Variants in GCAT observed in about 807,000 individuals in gnomAD.
GCAT encodes glycine C-acetyltransferase, also known as 2-amino-3-ketobutyrate coenzyme A ligase, mitochondrial.
In GCAT, 26 loss-of-function variants were observed where a neutral mutation model predicts 39.7. The ratio of observed to expected loss-of-function variants is 0.65; its 90% CI spans 0.48 to 0.91. GCAT has a LOEUF of 0.91. GCAT is among the 40% of genes least tolerant of loss of function. The pLI is 0.00. For synonymous variants in GCAT, 218 were observed against 237.2 expected (o/e 0.92, Z 0.74); for missense variants, 550 against 576.2 (o/e 0.95, Z 0.47).
At chr22:37,815,859 CG>C in intron 7 of GCAT, 25 bp downstream of exon 7, 1 of 1,611,870 alleles carries the variant, frequency 6.2e-7, no homozygotes, top group Non-Finnish European at 8.5e-7. Context: ...AGGGCAGGCT[CG>C]GGGGCGGAGA....
At position 37,815,495 on chromosome 22, in the gene GCAT, C is replaced by T. The variant is rs372168493; in HGVS notation, c.809C>T (p.Ala270Val). ...ACCCTGGGGAAGGCCCTGGGTGGAG[C>T]ATCAGGTACCTGCAAGGTTGTGTCC... is the stretch of plus-strand genomic sequence containing the variant. ...NSTLGKALGG[A>V]SGGYTTGPGP... The change falls in exon 6 of 9, where the codon GCA becomes GTA. Residue 270 changes from alanine (A) to valine (V), a missense_variant. Transcript: ENST00000248924. The T allele has an allele frequency of 2.5e-6, 4 of 1,604,176 alleles. No homozygotes were observed. In the African/African-American group the frequency reaches 4.0e-5, roughly 16 times the overall value.
chr22:37,813,595 C>A lies in GCAT; in HGVS notation c.562C>A (p.Leu188Met). Residue 188 changes from leucine to methionine, a missense_variant, in exon 4 of 9, where the codon CTG (leucine) becomes ATG (methionine). This residue lies in a region of GCAT where 378 missense variants were observed against 390.4 expected (regional missense o/e 0.97). Coordinates refer to ENST00000248924, the MANE Select transcript of GCAT (RefSeq NM_014291.4). ...GGACATGGCCGACCTAGAAGCCAAG[C>A]TGCAGGAGGCCCAGGTGGGGCGACG... is the stretch of plus-strand genomic sequence containing the variant. ...HLDMADLEAKLQEAQKHRLRL... is the reference protein window; with the variant it reads ...HLDMADLEAKMQEAQKHRLRL... 2.5e-6 allele frequency: 4 copies of A among 1,609,018 alleles called. No homozygotes were observed. Among genetic ancestry groups the A allele is most frequent in the Non-Finnish European group, 3.4e-6 (4 of 1,177,802 alleles).
chr22:37,816,527 C>T (rs538510291), intron 8 of GCAT, 40 bp from the exon 9 acceptor site: 22 of 1,610,786 alleles, frequency 1.4e-5, no homozygotes, highest in Non-Finnish European at 1.7e-5. Flanking sequence ...TGCCCCCAAG[C>T]CTGTTGGTTC....
intron 1 of GCAT, among the ~76,000 whole-genome samples, chr22:37,808,877 G>A (rs1361137378): frequency 6.6e-6 from 1 of 152,178 alleles, no homozygotes; most frequent in Non-Finnish European, 1.5e-5. Flanking sequence ...AGTGGAGACT[G>A]GGTTTCACCA....
Position 37,816,321 on chromosome 22 carries a change from G to A in GCAT, c.1108G>A (p.Gly370Ser), listed in dbSNP as rs1258805779. The part of the protein sequence containing the change: ...SRMADDMLKR[G>S]IFVIGFSYPV... ...CATGGCGGATGACATGCTGAAGAGA[G>A]GTAAGGGTGCTGAGACAAGGGAACT... Residue 370 changes from glycine to serine, a missense_variant and splice_region_variant, in exon 8 of 9, where the codon GGC becomes AGC. Transcript: ENST00000248924. The A allele has an allele frequency of 6.2e-7, 1 of 1,610,304 alleles. No individual in the cohort carries two copies. Among genetic ancestry groups the A allele is most frequent in the Non-Finnish European group, 8.5e-7 (1 of 1,179,924 alleles).
chr22:37,810,306 G>C, intron 2 of GCAT, 149 bp downstream of exon 2: 1 of 676,368 alleles, frequency 1.5e-6, no homozygotes, highest in Non-Finnish European at 2.6e-6. Flanking sequence ...CTGAGTGCAG[G>C]CCTCTGTTTT....
Position 37,815,841 on chromosome 22 carries a change from C to T in GCAT, c.986+7C>T, listed in dbSNP as rs1478806565. On this transcript the variant is annotated splice_region_variant and intron_variant, in intron 7 of 8. Coordinates refer to ENST00000248924, the MANE Select transcript of GCAT (RefSeq NM_014291.4). ...TGGCTGCCAAGACCCAGAGGTGCGA[C>T]TCCCAGCAGGGCAGGCTCGGGGGCG... 2 of 1,613,528 alleles carry T rather than the reference C, an allele frequency of 1.2e-6. No homozygotes were observed. The highest frequency in any genetic ancestry group is 2.7e-5 in the African/African-American group (2 of 74,922).
chr22:37,815,602 G>A lies in GCAT; in HGVS notation c.815-61G>A, dbSNP rs1922080927. The A allele has an allele frequency of 8.7e-6, 13 of 1,490,124 alleles. No homozygotes were observed. In the South Asian group the frequency reaches 1.2e-4, roughly 13 times the overall value. The allele number at this position is 1,490,124 out of a possible 1,614,324, so 92.3% of individuals were successfully genotyped here. ...GCAGCATGGACTGTACTTTCAGGAG[G>A]GGGTTGGGTAGGCTCTGGCCCCTGA... is the stretch of plus-strand genomic sequence containing the variant. On this transcript the variant is annotated intron_variant, in intron 6 of 8. Transcript: ENST00000248924.
rs544557693 is a variant in GCAT at position 37,812,013 on chromosome 22, T to C, written c.328-874T>C. Among the ~76,000 whole-genome samples the C allele has an allele frequency of 4.6e-5, 7 of 152,122 alleles. No homozygotes were observed. The South Asian group carries it at 1.5e-3, about 32-fold the overall frequency. On this transcript the variant is annotated intron_variant, in intron 2 of 8. Transcript: ENST00000248924. ...GACTTGCCCAGAGGCACACAGCCTG[T>C]TGTGGGATTTGAACCCTGGCTCAAG...
In GCAT at chr22:37,816,882, T is replaced by G; in HGVS notation, c.*164T>G. 1 of 660,206 alleles carries G rather than the reference T, an allele frequency of 1.5e-6. No homozygotes were observed. Among genetic ancestry groups the G allele is most frequent in the Non-Finnish European group, 2.6e-6 (1 of 389,400 alleles). The allele number at this position is 660,206 out of a possible 1,614,324, so 40.9% of individuals were successfully genotyped here. A position where few individuals can be genotyped will look rare whatever the true frequency, so the allele number is the denominator to read the frequency against. On this transcript the variant is annotated 3_prime_UTR_variant, in exon 9 of 9. Transcript: ENST00000248924. Reference sequence around the variant, plus strand: ...GCTGTGAGAATGTGAAACAACAGTGTGAAAATTGGCTGTGACACTCTGGTC... The same window carrying G: ...GCTGTGAGAATGTGAAACAACAGTGGGAAAATTGGCTGTGACACTCTGGTC...
chr22:37,814,236 G>A (rs1921915563), intron 4 of GCAT, among the ~76,000 whole-genome samples: 1 of 152,126 alleles, frequency 6.6e-6, no homozygotes. Flanking sequence ...GAGTAGCTGG[G>A]ACTACCGGTG....
At chr22:37,813,386 T>G (rs1195037254) in intron 3 of GCAT, 77 bp from the exon 4 acceptor site, 1 of 1,466,638 alleles carries the variant, frequency 6.8e-7, no homozygotes, top group Non-Finnish European at 9.3e-7. Flanking sequence ...TACAGTTTTT[T>G]GATTTGCTGG....
At chr22:37,808,235 G>C (rs1457425336) in intron 1 of GCAT, 72 bp downstream of exon 1, 11 of 1,239,310 alleles carry the variant, frequency 8.9e-6, no homozygotes, top group Non-Finnish European at 1.1e-5. Context: ...CCTGGAGGTG[G>C]GGGTGGGCGG....
chr22:37,815,635 C>G (rs749162053), intron 6 of GCAT, 28 bp from the exon 7 acceptor site: 5 of 1,563,730 alleles, frequency 3.2e-6, no homozygotes, highest in Non-Finnish European at 4.4e-6. Context: ...TGACCAACCC[C>G]TCCCCCCACC....
At position 37,810,112 on chromosome 22, in the gene GCAT, G is replaced by A; in HGVS notation, c.282G>A (p.Glu94=). The A allele has an allele frequency of 6.2e-7, 1 of 1,614,206 alleles. No homozygotes were observed. Among genetic ancestry groups the A allele is most frequent in the African/African-American group, 1.3e-5 (1 of 75,062 alleles). The change falls in exon 2 of 9, where the codon GAG becomes GAA. Residue 94 remains glutamate (E), a synonymous_variant. Transcript: ENST00000248924. Reference sequence around the variant, plus strand: ...AGGCAGGTCTGCAGGCTCTGGAGGAGTTTGGAGCTGGCCTCAGCTCTGTCC... The same window carrying A: ...AGGCAGGTCTGCAGGCTCTGGAGGAATTTGGAGCTGGCCTCAGCTCTGTCC... The part of the protein sequence containing the change: ...VIQAGLQALE[E]FGAGLSSVRF...
At chr22:37,816,407 C>T (rs980397060) in intron 8 of GCAT, 86 bp downstream of exon 8, 14 of 1,551,722 alleles carry the variant, frequency 9.0e-6, no homozygotes, top group South Asian at 1.2e-5. Context: ...GCCCCGTACC[C>T]AGCCACGCTG....
In GCAT at chr22:37,815,493, A is replaced by T; in HGVS notation, c.807A>T (p.Gly269=). Reference sequence around the variant, plus strand: ...CCACCCTGGGGAAGGCCCTGGGTGGAGCATCAGGTACCTGCAAGGTTGTGT... The same window carrying T: ...CCACCCTGGGGAAGGCCCTGGGTGGTGCATCAGGTACCTGCAAGGTTGTGT... ...INSTLGKALG[G]ASGGYTTGPG... The change falls in exon 6 of 9, where the codon GGA becomes GGT. Residue 269 remains glycine (G), a synonymous_variant. Coordinates refer to ENST00000248924, the MANE Select transcript of GCAT (RefSeq NM_014291.4). 6.2e-7 allele frequency: 1 copy of T among 1,605,458 alleles called. No homozygotes were observed. The highest frequency in any genetic ancestry group is 8.5e-7 in the Non-Finnish European group (1 of 1,176,072).
At chr22:37,815,569 T>C (rs1224815825) in intron 6 of GCAT, 69 bp downstream of exon 6, 4 of 1,502,500 alleles carry the variant, frequency 2.7e-6, no homozygotes, top group Non-Finnish European at 3.7e-6. Context: ...CTCAGGGAAG[T>C]GGGGAGGGCA....
Position 37,815,173 on chromosome 22 carries a change from T to G in GCAT, c.624T>G (p.Asp208Glu), listed in dbSNP as rs887850773. Residue 208 changes from aspartate to glutamate, a missense_variant, in exon 5 of 9, where the codon GAT (aspartate) becomes GAG (glutamate). By Grantham distance (45) the Asp-to-Glu change is conservative. This residue lies in a region of GCAT where 378 missense variants were observed against 390.4 expected (regional missense o/e 0.97). Transcript: ENST00000248924. ...CCACTGATGGGGCCTTTTCCATGGA[T>G]GGCGACATCGCACCCCTGCAGGAGA... is the stretch of plus-strand genomic sequence containing the variant. ...LVATDGAFSM[D>E]GDIAPLQEIC... is the part of the protein sequence containing the mutation. The G allele has an allele frequency of 6.2e-7, 1 of 1,614,062 alleles. No individual in the cohort carries two copies. The highest frequency in any genetic ancestry group is 8.5e-7 in the Non-Finnish European group (1 of 1,180,002).
Sources: gnomAD v4.1 joint callset for allele counts (sites outside exome capture counted in the v4.1 genomes callset) on GRCh38, gnomAD v4.1.1 for gene constraint, gnomAD v4.1.1 regional missense constraint, MANE v1.5 for transcripts, NCBI Gene and HGNC (gene_info 2026-07-23, HGNC 2026-07-21) for gene names.